PDCD11: variants seen among roughly 807,000 people sequenced by gnomAD.
PDCD11 encodes the protein protein RRP5 homolog.
A neutral mutation model predicts 198.9 loss-of-function variants in PDCD11; 97 were observed. That is an observed-to-expected ratio of 0.49 (90% CI 0.41 to 0.58). The LOEUF is 0.58. Ranked by LOEUF, PDCD11 falls within the 20% of genes least tolerant of loss-of-function variation. The pLI is 0.00. For synonymous variants in PDCD11, 893 were observed against 918.0 expected (o/e 0.97, Z 0.49); for missense variants, 2,102 against 2,312.7 (o/e 0.91, Z 1.87).
At position 103,413,984 on chromosome 10, in the gene PDCD11, T is replaced by A; in HGVS notation, c.1204T>A (p.Ser402Thr). ...AYARLSHLSD[S>T]KNVFNPEAFK... ...TTTGCAGCTCAGCCATCTCTCTGATTCTAAGAACGTCTTCAATCCTGAGGC... is the reference window on the plus strand; with the variant it reads ...TTTGCAGCTCAGCCATCTCTCTGATACTAAGAACGTCTTCAATCCTGAGGC... The change falls in exon 10 of 36, where the codon TCT becomes ACT. Residue 402 changes from serine (S) to threonine (T), a missense_variant. Ser to Thr is a moderately conservative substitution (Grantham distance 58). Coordinates refer to ENST00000369797, the MANE Select transcript of PDCD11 (RefSeq NM_014976.2). The A allele has an allele frequency of 3.1e-6, 5 of 1,612,600 alleles. No individual in the cohort carries two copies. In the African/African-American group the frequency reaches 6.7e-5, roughly 22 times the overall value.
At chr10:103,401,878 G>T (rs1373578907) in intron 3 of PDCD11, among the ~76,000 whole-genome samples, 1 of 151,838 alleles carries the variant, frequency 6.6e-6, no homozygotes, top group African/African-American at 2.4e-5. Context: ...GAGTAGCTGG[G>T]ACTACAGGCG....
chr10:103,431,218 A>G (rs1480804978), intron 21 of PDCD11, among the ~76,000 whole-genome samples: 2 of 152,190 alleles, frequency 1.3e-5, no homozygotes, highest in Non-Finnish European at 1.5e-5. Flanking sequence ...TAGGGGTGGC[A>G]GTTTTGTGAT....
chr10:103,405,100 A>T lies in PDCD11; in HGVS notation c.481A>T (p.Arg161Trp). The T allele has an allele frequency of 6.2e-7, 1 of 1,614,096 alleles. No individual in the cohort carries two copies. The highest frequency in any genetic ancestry group is 8.5e-7 in the Non-Finnish European group (1 of 1,179,912). ...GGTGAGCAGTCTGGGCATCACAGAC[A>T]GGGGCAAGAAGAGTGTCAAGCTGTC... is the stretch of plus-strand genomic sequence containing the variant. ...CVVSSLGITD[R>W]GKKSVKLSLN... is the part of the protein sequence containing the mutation. Residue 161 changes from arginine (R) to tryptophan (W), a missense_variant, in exon 5 of 36, where the codon AGG becomes TGG. By Grantham distance (101) the Arg-to-Trp change is moderately radical (BLOSUM62 -3). Transcript: ENST00000369797.
At chr10:103,437,946 A>C in intron 25 of PDCD11, 69 bp from the exon 26 acceptor site, 1 of 1,251,856 alleles carries the variant, frequency 8.0e-7, no homozygotes, top group Non-Finnish European at 1.2e-6. Flanking sequence ...GGAGGAGAGG[A>C]AGCTGAGACC....
At chr10:103,418,033 A>T (rs1302802333) in intron 14 of PDCD11, 101 bp downstream of exon 14, 14 of 1,333,838 alleles carry the variant, frequency 1.0e-5, no homozygotes, top group Non-Finnish European at 1.5e-5. Context: ...GGAAAGATAG[A>T]GGTAGCTAGA....
At chr10:103,420,131 G>A (rs1192405261) in intron 16 of PDCD11, among the ~76,000 whole-genome samples, 1 of 151,858 alleles carries the variant, frequency 6.6e-6, no homozygotes, top group African/African-American at 2.4e-5. Context: ...GATTTTCAGG[G>A]GTACCTCTTA....
Position 103,416,576 on chromosome 10 carries a change from G to A in PDCD11, c.1604G>A (p.Cys535Tyr). The A allele has an allele frequency of 6.2e-7, 1 of 1,614,192 alleles. No individual in the cohort carries two copies. The highest frequency in any genetic ancestry group is 8.5e-7 in the Non-Finnish European group (1 of 1,180,026). The change falls in exon 13 of 36, where the codon TGC becomes TAC. Residue 535 changes from cysteine (C) to tyrosine (Y), a missense_variant. Physicochemically the swap from Cys to Tyr is radical, Grantham distance 194. Coordinates refer to ENST00000369797, the MANE Select transcript of PDCD11 (RefSeq NM_014976.2). ...GAGTCCAAACTACCTGTCATTACCT[G>A]CTATGCCGATGCCAAGCCTGGTCTG... ...LIESKLPVIT[C>Y]YADAKPGLQT...
At chr10:103,440,666 G>A in intron 29 of PDCD11, 68 bp from the exon 30 acceptor site, 1 of 1,612,774 alleles carries the variant, frequency 6.2e-7, no homozygotes, top group Non-Finnish European at 8.5e-7. Flanking sequence ...ACCCAGTGGG[G>A]CCGAGGGAGG....
chr10:103,434,570 C>T (rs2032071259), intron 24 of PDCD11: 1 of 591,234 alleles, frequency 1.7e-6, no homozygotes. Context: ...TTACCCTTAC[C>T]TACACAGGTG....
At chr10:103,405,245 C>T (rs545354354) in intron 5 of PDCD11, 62 bp downstream of exon 5, 19 of 1,540,982 alleles carry the variant, frequency 1.2e-5, no homozygotes, top group African/African-American at 5.4e-5. Context: ...TCTGAGGGAG[C>T]GTGGTCTAGG....
intron 5 of PDCD11, among the ~76,000 whole-genome samples, chr10:103,405,584 C>T (rs548362263): frequency 3.0e-4 from 46 of 152,070 alleles, no homozygotes; most frequent in African/African-American, 1.0e-3. Flanking sequence ...TTAATAGAGA[C>T]GGGATTTCAC....
rs1221507270 is a variant in PDCD11, at chr10:103,445,619, TC to T, written c.*71del. The stretch of plus-strand genomic sequence containing the variant: ...GGCCCCGCCTCGAGTGCCTGGGCAC[TC>T]GGAAAACTGTTACCTCAGGACTCTA... On this transcript the variant is annotated 3_prime_UTR_variant, in exon 36 of 36. Transcript: ENST00000369797. 7.4e-7 allele frequency: 1 copy of T among 1,352,068 alleles called. No homozygotes were observed. The highest frequency in any genetic ancestry group is 1.5e-5 in the African/African-American group (1 of 68,720). The allele number at this position is 1,352,068 out of a possible 1,614,324, so 83.8% of individuals were successfully genotyped here.
At chr10:103,410,616 C>CT (rs1316510810) in intron 8 of PDCD11, among the ~76,000 whole-genome samples, 39 of 89,730 alleles carry the variant, frequency 4.3e-4, no homozygotes, top group African/African-American at 1.2e-3. Flanking sequence ...TTTTTTTTTT[C>CT]TTTTTTTTTT....
At chr10:103,429,388 C>A (rs887192145) in intron 21 of PDCD11, among the ~76,000 whole-genome samples, 1 of 152,118 alleles carries the variant, frequency 6.6e-6, no homozygotes, top group Non-Finnish European at 1.5e-5. Flanking sequence ...AAGGATAACA[C>A]ATATCCGTTT....
intron 25 of PDCD11, among the ~76,000 whole-genome samples, chr10:103,436,289 A>G (rs185524730): frequency 1.1e-3 from 173 of 152,202 alleles, no homozygotes; most frequent in Middle Eastern, 3.4e-3. Context: ...TTTAGTAGAG[A>G]CAGGGTTTCA....
chr10:103,432,064 T>G (rs537880338), intron 21 of PDCD11, 65 bp from the exon 22 acceptor site: 387 of 1,238,702 alleles, frequency 3.1e-4, no homozygotes, highest in Non-Finnish European at 4.3e-4. Context: ...TTGGGAGAGA[T>G]GGTTTCAAAC....
chr10:103,438,302 C>T (rs922789554), intron 26 of PDCD11, among the ~76,000 whole-genome samples: 27 of 152,162 alleles, frequency 1.8e-4, no homozygotes, highest in Non-Finnish European at 2.9e-5. Context: ...ATGTGGGTGT[C>T]CAAGGTTGCA....
In PDCD11 at chr10:103,403,187, C is replaced by G. The variant is rs1416085489; in HGVS notation, c.304C>G (p.Leu102Val). ...GAATGAACTGGAACTGGTGATTAGT[C>G]TCCCCAATGGCCTCCAGGGCTTTGT... ...EVNELELVIS[L>V]PNGLQGFVQV... is the part of the protein sequence containing the mutation. Residue 102 changes from leucine to valine, a missense_variant, in exon 4 of 36, where the codon CTC becomes GTC. Physicochemically the swap from Leu to Val is conservative, Grantham distance 32. Coordinates refer to ENST00000369797, the MANE Select transcript of PDCD11 (RefSeq NM_014976.2). 1.2e-6 allele frequency: 2 copies of G among 1,614,034 alleles called. No individual in the cohort carries two copies. The highest frequency in any genetic ancestry group is 1.7e-6 in the Non-Finnish European group (2 of 1,179,896).
In PDCD11 at chr10:103,445,946, G is replaced by C. The variant is rs1449492033; in HGVS notation, c.*397G>C. ...CTGTCAGTCCAGCTGGAGGGGGTCAGTAGGCTCCAGGGAGTGGGCCCTCCC... is the reference window on the plus strand; with the variant it reads ...CTGTCAGTCCAGCTGGAGGGGGTCACTAGGCTCCAGGGAGTGGGCCCTCCC... On this transcript the variant is annotated 3_prime_UTR_variant, in exon 36 of 36. Transcript: ENST00000369797. The C allele has an allele frequency of 5.4e-6, 1 of 184,952 alleles. No individual in the cohort carries two copies. Among genetic ancestry groups the C allele is most frequent in the Admixed American group, 5.4e-5 (1 of 18,568 alleles). The allele number at this position is 184,952 out of a possible 1,614,324, so 11.5% of individuals were successfully genotyped here. A position where few individuals can be genotyped will look rare whatever the true frequency, so the allele number is the denominator to read the frequency against.
Sources: gnomAD v4.1 joint callset for allele counts (sites outside exome capture counted in the v4.1 genomes callset) on GRCh38, gnomAD v4.1.1 for gene constraint, MANE v1.5 for transcripts, NCBI Gene and HGNC (gene_info 2026-07-23, HGNC 2026-07-21) for gene names.